SLC18A2: variants seen among roughly 807,000 people sequenced by gnomAD.
The protein encoded by SLC18A2 is synaptic vesicular amine transporter.
Under a neutral mutation model 59.2 loss-of-function variants are expected in SLC18A2, and 33 were observed. The observed-to-expected ratio is 0.56, with a 90% confidence interval of 0.42 to 0.75. The LOEUF (loss-of-function observed/expected upper bound fraction) is 0.75, where lower values mean the gene tolerates loss of function less well. SLC18A2 is among the 30% of genes least tolerant of loss of function. The pLI, the probability that SLC18A2 is intolerant of heterozygous loss-of-function variation, is 0.00. For synonymous variants in SLC18A2, 228 were observed against 253.5 expected, an observed-to-expected ratio of 0.90 and a Z score of 0.95; for missense variants, 569 against 668.6, an observed-to-expected ratio of 0.85 and a Z score of 1.64.
rs111925476 is a variant in SLC18A2, at chr10:117,276,004, T to C, written c.1441-1158T>C. ...GCCATGACAATATGGTCTTAAAAGA[T>C]TGGGGGCCAAGCATGGTCACTTGCA... On this transcript the variant is annotated intron_variant, in intron 15 of 15. Coordinates refer to ENST00000644641, the MANE Select transcript of SLC18A2 (RefSeq NM_003054.6). Among the ~76,000 whole-genome samples, 405 of 152,126 alleles carry C rather than the reference T, an allele frequency of 2.7e-3. 2 individuals carry two copies. Among genetic ancestry groups the C allele is most frequent in the African/African-American group, 9.3e-3 (384 of 41,512 alleles).
chr10:117,247,679 C>T (rs1456479795), intron 3 of SLC18A2, among the ~76,000 whole-genome samples: 1 of 152,226 alleles, frequency 6.6e-6, no homozygotes, highest in African/African-American at 2.4e-5. Context: ...AGCCTGATTC[C>T]TGTGGACATG....
rs999706329 is a variant in SLC18A2, at chr10:117,269,166, CACAT to C, written c.1187-899_1187-896del. On this transcript the variant is annotated intron_variant, in intron 13 of 15. Coordinates refer to ENST00000644641, the MANE Select transcript of SLC18A2 (RefSeq NM_003054.6). The surrounding 1 kb of genome is among the most constrained non-coding windows in gnomAD (Gnocchi z 5.1). Reference sequence around the variant, plus strand: ...ACCCACATACATATGCACACATACACACATACATATACACACATACACACACACC... The same window carrying C: ...ACCCACATACATATGCACACATACACACATATACACACATACACACACACC... Among the ~76,000 whole-genome samples the C allele has an allele frequency of 3.6e-4, 55 of 150,710 alleles. No individual in the cohort carries two copies. Among genetic ancestry groups the C allele is most frequent in the African/African-American group, 1.2e-3 (49 of 40,916 alleles).
chr10:117,273,247 T>C (rs1005305143), intron 15 of SLC18A2, among the ~76,000 whole-genome samples: 1 of 152,204 alleles, frequency 6.6e-6, no homozygotes, highest in Non-Finnish European at 1.5e-5. Flanking sequence ...GGAAAAAAAC[T>C]GTTACTCAAG....
chr10:117,262,975 CA>C (rs1844310945), intron 10 of SLC18A2, among the ~76,000 whole-genome samples: 1 of 152,200 alleles, frequency 6.6e-6, no homozygotes, highest in African/African-American at 2.4e-5. Context: ...CATGGGCCAT[CA>C]GGGGCAGATA....
intron 2 of SLC18A2, among the ~76,000 whole-genome samples, chr10:117,243,061 G>T (rs573097748): frequency 4.6e-5 from 7 of 152,182 alleles, no homozygotes; most frequent in African/African-American, 1.7e-4. Flanking sequence ...CCTTGTGAAA[G>T]CCTTAGGAAT....
At chr10:117,241,416 C>T (rs1844050391) in intron 1 of SLC18A2, among the ~76,000 whole-genome samples, 196 bp downstream of exon 1, 1 of 148,768 alleles carries the variant, frequency 6.7e-6, no homozygotes, top group Admixed American at 6.7e-5. Flanking sequence ...CAGTTGGGGG[C>T]GGCGGGGATC....
At chr10:117,248,180 A>G (rs2133728690) in intron 3 of SLC18A2, among the ~76,000 whole-genome samples, 1 of 152,060 alleles carries the variant, frequency 6.6e-6, no homozygotes, top group South Asian at 2.1e-4. Context: ...GGCCAGGCTG[A>G]TCTCGAACTC....
intron 2 of SLC18A2, among the ~76,000 whole-genome samples, chr10:117,242,310 G>T (rs187248110): frequency 6.6e-6 from 1 of 152,112 alleles, no homozygotes; most frequent in African/African-American, 2.4e-5. Flanking sequence ...AGGAACCATT[G>T]CAAGAACAAT....
chr10:117,273,837 C>T (rs897895381), intron 15 of SLC18A2, among the ~76,000 whole-genome samples: 4 of 152,120 alleles, frequency 2.6e-5, no homozygotes, highest in African/African-American at 9.7e-5. Flanking sequence ...TCATTTGGTC[C>T]ACCATGTTGG....
At chr10:117,265,065 ATGTT>A (rs1844334081) in intron 10 of SLC18A2, among the ~76,000 whole-genome samples, 1 of 152,222 alleles carries the variant, frequency 6.6e-6, no homozygotes, top group South Asian at 2.1e-4. Flanking sequence ...CTGTCAGTAA[ATGTT>A]TGCTCAATCA....
At chr10:117,255,891 G>A (rs551629443) in intron 9 of SLC18A2, among the ~76,000 whole-genome samples, 93 of 152,354 alleles carry the variant, frequency 6.1e-4, no homozygotes, top group African/African-American at 2.1e-3. Flanking sequence ...TCAAAATGGC[G>A]TATGCTGGGC....
At chr10:117,244,367 A>G in intron 3 of SLC18A2, 54 bp downstream of exon 3, 1 of 1,450,760 alleles carries the variant, frequency 6.9e-7, no homozygotes, top group Non-Finnish European at 9.4e-7. Flanking sequence ...GTCCTAGCTT[A>G]TGTCCTTCCT....
intron 4 of SLC18A2, 98 bp downstream of exon 4, chr10:117,253,555 G>C (rs1038004864): frequency 2.9e-6 from 1 of 350,644 alleles, no homozygotes; most frequent in South Asian, 2.1e-5. Context: ...AGGACGGCGG[G>C]GGGGCGGGGG....
intron 3 of SLC18A2, among the ~76,000 whole-genome samples, chr10:117,246,513 T>C (rs1229729310): frequency 6.6e-6 from 1 of 152,230 alleles, no homozygotes; most frequent in Non-Finnish European, 1.5e-5. Flanking sequence ...TTGTGAAATT[T>C]AGTCTATTCT....
chr10:117,267,719 G>C lies in SLC18A2; in HGVS notation c.1169G>C (p.Gly390Ala). ...NIYGLIAPNF[G>A]VGFAIGMVDS... ...TATGGACTCATAGCTCCGAACTTTGGAGTTGGTTTTGCAATTGGTAAGTCA... is the reference window on the plus strand; with the variant it reads ...TATGGACTCATAGCTCCGAACTTTGCAGTTGGTTTTGCAATTGGTAAGTCA... Residue 390 changes from glycine (G) to alanine (A), a missense_variant, in exon 13 of 16, where the codon GGA becomes GCA. Physicochemically the swap from Gly to Ala is moderately conservative, Grantham distance 60. Around this residue, in one of 2 missense-constraint regions of SLC18A2, gnomAD observed 192 missense variants for 278.8 expected, o/e 0.69. Transcript: ENST00000644641. 1 of 1,560,668 alleles carries C rather than the reference G, an allele frequency of 6.4e-7. No homozygotes were observed. Among genetic ancestry groups the C allele is most frequent in the Non-Finnish European group, 8.8e-7 (1 of 1,139,536 alleles).
intron 3 of SLC18A2, among the ~76,000 whole-genome samples, chr10:117,247,161 C>T (rs923230923): frequency 1.3e-5 from 2 of 152,202 alleles, no homozygotes; most frequent in South Asian, 4.1e-4. Context: ...TGAGCCATTG[C>T]AAACAGTCTT....
At position 117,279,336 on chromosome 10, in the gene SLC18A2, C is replaced by T. The variant is rs1404965811; in HGVS notation, c.*2070C>T. 2.0e-5 allele frequency: 3 copies of T among 152,090 alleles called. No individual in the cohort carries two copies. The highest frequency in any genetic ancestry group is 7.2e-5 in the African/African-American group (3 of 41,396). 9.4% of individuals were successfully genotyped at this position (152,090 alleles called of 1,614,324 possible). A position where few individuals can be genotyped will look rare whatever the true frequency, so the allele number is the denominator to read the frequency against. On this transcript the variant is annotated 3_prime_UTR_variant, in exon 16 of 16. Coordinates refer to ENST00000644641, the MANE Select transcript of SLC18A2 (RefSeq NM_003054.6). Reference sequence around the variant, plus strand: ...GGACCTGGTAATACAGATACAAAAACTTTAATGAGGTAGCAATGAATATTC... The same window carrying T: ...GGACCTGGTAATACAGATACAAAAATTTTAATGAGGTAGCAATGAATATTC...
rs980644504 is a variant in SLC18A2, at chr10:117,278,317, A to G, written c.*1051A>G. 6.6e-6 allele frequency: 1 copy of G among 152,230 alleles called. No individual in the cohort carries two copies. Among genetic ancestry groups the G allele is most frequent in the Non-Finnish European group, 1.5e-5 (1 of 68,046 alleles). The allele number at this position is 152,230 out of a possible 1,614,324, so 9.4% of individuals were successfully genotyped here. On this transcript the variant is annotated 3_prime_UTR_variant, in exon 16 of 16. Coordinates refer to ENST00000644641, the MANE Select transcript of SLC18A2 (RefSeq NM_003054.6). Reference sequence around the variant, plus strand: ...TCAATGTGAAGACAAATTTTAAATGAAAATGAAGAATGAAATTATGTCTTG... The same window carrying G: ...TCAATGTGAAGACAAATTTTAAATGGAAATGAAGAATGAAATTATGTCTTG...
intron 2 of SLC18A2, among the ~76,000 whole-genome samples, chr10:117,242,795 C>G (rs1282274931): frequency 6.6e-6 from 1 of 152,160 alleles, no homozygotes; most frequent in Admixed American, 6.5e-5. Flanking sequence ...GGCAGTGGCA[C>G]AGTCTTGGCT....
Sources: allele counts gnomAD v4.1 joint callset (sites outside exome capture counted in the v4.1 genomes callset), GRCh38; gene constraint gnomAD v4.1.1; regional missense constraint gnomAD v4.1.1; non-coding constraint Gnocchi (gnomAD v3.1); transcripts MANE v1.5; gene names NCBI Gene and HGNC (gene_info 2026-07-23, HGNC 2026-07-21).